The following TENM2 variants were observed in gnomAD, a reference collection of about 807,000 sequenced individuals.
TENM2 encodes the protein teneurin-2.
Under a neutral mutation model 245.2 loss-of-function variants are expected in TENM2, and 52 were observed. That is an observed-to-expected ratio of 0.21 (90% CI 0.17 to 0.27). The LOEUF is 0.27. TENM2 is among the 10% of genes least tolerant of loss of function. TENM2 has a pLI of 1.00. For synonymous variants in TENM2, 1,363 were observed against 1,438.9 expected (o/e 0.95, Z 1.19); for missense variants, 3,046 against 3,666.8 (o/e 0.83, Z 4.37).
intron 2 of TENM2, among the ~76,000 whole-genome samples, chr5:167,517,320 A>G (rs1334947843): frequency 6.6e-6 from 1 of 152,202 alleles, no homozygotes; most frequent in Non-Finnish European, 1.5e-5. Context: ...TGGGCACTGC[A>G]TACATATACA....
intron 2 of TENM2, among the ~76,000 whole-genome samples, chr5:167,843,639 G>A (rs1424327810): frequency 6.6e-6 from 1 of 152,184 alleles, no homozygotes; most frequent in Non-Finnish European, 1.5e-5. Context: ...AGAGATTATA[G>A]ATGGTTTGCA....
At chr5:168,174,533 G>A (rs1759160910) in intron 13 of TENM2, among the ~76,000 whole-genome samples, 1 of 152,208 alleles carries the variant, frequency 6.6e-6, no homozygotes, top group South Asian at 2.1e-4. Flanking sequence ...CCCACCCTCA[G>A]AGTTTCAGAT....
chr5:167,371,255 A>G (rs1581866624), intron 1 of TENM2, among the ~76,000 whole-genome samples: 1 of 151,624 alleles, frequency 6.6e-6, no homozygotes, highest in African/African-American at 2.4e-5. Context: ...CTGTGAAGGC[A>G]TGAGGCTTCC....
chr5:167,348,227 A>G (rs1436711614), intron 1 of TENM2, among the ~76,000 whole-genome samples: 2 of 152,190 alleles, frequency 1.3e-5, no homozygotes, highest in East Asian at 3.9e-4. Context: ...AATAATACAT[A>G]ACGAATTGCA....
intron 5 of TENM2, among the ~76,000 whole-genome samples, chr5:168,024,344 C>T (rs982665794): frequency 6.6e-6 from 1 of 152,190 alleles, no homozygotes; most frequent in South Asian, 2.1e-4. Context: ...GCCTGTGTTA[C>T]GTATCGCCAG....
chr5:168,080,162 G>C (rs1412484560), intron 7 of TENM2, among the ~76,000 whole-genome samples: 1 of 151,946 alleles, frequency 6.6e-6, no homozygotes, highest in Non-Finnish European at 1.5e-5. Context: ...GTCTTGGGAG[G>C]GTGTGTGTGT....
chr5:167,657,690 C>T (rs1754939594), intron 2 of TENM2, among the ~76,000 whole-genome samples: 1 of 151,326 alleles, frequency 6.6e-6, no homozygotes, highest in Non-Finnish European at 1.5e-5. Context: ...TCTCTTATAA[C>T]TTCTTACAAC....
At chr5:167,751,054 G>A (rs1761930126) in intron 2 of TENM2, among the ~76,000 whole-genome samples, 1 of 152,164 alleles carries the variant, frequency 6.6e-6, no homozygotes. Context: ...AGGAGTGTAT[G>A]TGAACTGGGA....
intron 7 of TENM2, among the ~76,000 whole-genome samples, chr5:168,065,257 C>A (rs1334363544): frequency 1.3e-5 from 2 of 152,176 alleles, no homozygotes; most frequent in African/African-American, 4.8e-5. Flanking sequence ...ATATTACATA[C>A]CTGCTTAAAT....
At chr5:166,985,188 T>A in the TENM2 span, among the ~76,000 whole-genome samples, 1 of 152,172 alleles carries the variant, frequency 6.6e-6, no homozygotes, top group Non-Finnish European at 1.5e-5. Flanking sequence ...ACGCATCCTC[T>A]TCCTTCCATT....
intron 1 of TENM2, among the ~76,000 whole-genome samples, chr5:167,361,684 C>T (rs138027427): frequency 6.3e-4 from 96 of 152,338 alleles, no homozygotes; most frequent in Non-Finnish European, 1.2e-3. Context: ...ACTCTGTCAA[C>T]AGTTTTCAGT....
At chr5:167,220,001 T>G in the TENM2 span, among the ~76,000 whole-genome samples, 1 of 152,228 alleles carries the variant, frequency 6.6e-6, no homozygotes, top group Non-Finnish European at 1.5e-5. Flanking sequence ...GCATGAAATC[T>G]TATTTTTCCA....
chr5:167,433,411 A>T (rs945893822), intron 2 of TENM2, among the ~76,000 whole-genome samples: 43 of 152,170 alleles, frequency 2.8e-4, no homozygotes, highest in African/African-American at 9.9e-4. Flanking sequence ...TGAGAAGGGT[A>T]ACAGTATCAG....
intron 13 of TENM2, among the ~76,000 whole-genome samples, chr5:168,166,610 A>G (rs1052135245): frequency 3.3e-5 from 5 of 152,198 alleles, no homozygotes; most frequent in South Asian, 2.1e-4. Context: ...TGGGGAGGGC[A>G]GTGCAAGACT....
intron 2 of TENM2, among the ~76,000 whole-genome samples, chr5:167,684,359 A>G (rs367664092): frequency 6.6e-6 from 1 of 152,222 alleles, no homozygotes; most frequent in Non-Finnish European, 1.5e-5. Flanking sequence ...CTCTCAGTTC[A>G]TTCTCTGTGC....
rs1383338538 is a variant in TENM2 at position 168,217,057 on chromosome 5, A to G, written c.4233+135A>G. The G allele has an allele frequency of 5.2e-6, 5 of 961,030 alleles. No homozygotes were observed. The East Asian group carries it at 1.2e-4, about 23-fold the overall frequency. 59.5% of individuals were successfully genotyped at this position (961,030 alleles called of 1,614,324 possible). A position where few individuals can be genotyped will look rare whatever the true frequency, so the allele number is the denominator to read the frequency against. On this transcript the variant is annotated intron_variant, in intron 22 of 28. Coordinates refer to ENST00000518659, the Ensembl canonical transcript of TENM2. The stretch of plus-strand genomic sequence containing the variant: ...TACAGATCACGGGGTTGTTTGGAGA[A>G]AGCCTGAGATGAGCTAAACAGTAAG...
intron 2 of TENM2, among the ~76,000 whole-genome samples, chr5:167,719,658 TGC>T (rs2150512825): frequency 6.6e-6 from 1 of 152,354 alleles, no homozygotes; most frequent in East Asian, 1.9e-4. Context: ...ATAAAGTACA[TGC>T]GAGAGAGTCT....
intron 5 of TENM2, among the ~76,000 whole-genome samples, chr5:168,001,122 C>G (rs982730994): frequency 2.1e-4 from 32 of 152,306 alleles, no homozygotes; most frequent in African/African-American, 7.7e-4. Flanking sequence ...TCCAAATACC[C>G]AGAATCCTTG....
chr5:167,272,110 T>G, the TENM2 span, among the ~76,000 whole-genome samples: 2 of 152,168 alleles, frequency 1.3e-5, no homozygotes, highest in Non-Finnish European at 2.9e-5. Context: ...AGGCCCTTCT[T>G]GGGGATGGAA....
Sources: allele counts gnomAD v4.1 joint callset (sites outside exome capture counted in the v4.1 genomes callset), GRCh38; gene constraint gnomAD v4.1.1; transcripts MANE v1.5; gene names NCBI Gene and HGNC (gene_info 2026-07-23, HGNC 2026-07-21).